Variants in ANGPT2 observed in about 807,000 individuals in gnomAD.
The protein encoded by ANGPT2 is angiopoietin-2.
ANGPT2 carries 28 observed loss-of-function variants against 62.9 expected under a neutral mutation model. That is an observed-to-expected ratio of 0.44 (90% CI 0.33 to 0.61). The LOEUF is 0.61. Among genes scored for constraint, ANGPT2 ranks in the 20% least tolerant of loss-of-function variants. ANGPT2 has a pLI of 0.03. For synonymous variants in ANGPT2, 284 were observed against 207.8 expected (o/e 1.37, Z -3.15); for missense variants, 727 against 594.9 (o/e 1.22, Z -2.31).
chr8:6,535,955 G>A (rs1820407711), intron 1 of ANGPT2, among the ~76,000 whole-genome samples: 1 of 152,066 alleles, frequency 6.6e-6, no homozygotes, highest in South Asian at 2.1e-4. Flanking sequence ...TACTGGGGAG[G>A]CTGAGGTGGG....
chr8:6,520,359 T>A (rs1034132383), intron 4 of ANGPT2, among the ~76,000 whole-genome samples: 4 of 152,154 alleles, frequency 2.6e-5, no homozygotes, highest in African/African-American at 9.7e-5. Flanking sequence ...ATGGAAGAAT[T>A]TAAAAAGAAT....
intron 1 of ANGPT2, among the ~76,000 whole-genome samples, chr8:6,560,768 T>C (rs1562715): frequency 0.16 from 24,100 of 152,234 alleles, 5,089 homozygotes; most frequent in African/African-American, 0.49. Flanking sequence ...TCTTTAAATG[T>C]TATCTCAAAG....
intron 1 of ANGPT2, among the ~76,000 whole-genome samples, chr8:6,544,592 G>T (rs1293393699): frequency 1.3e-5 from 2 of 152,144 alleles, no homozygotes; most frequent in African/African-American, 4.8e-5. Context: ...GTATTGGAGG[G>T]GGAGAGGGTT....
chr8:6,530,500 C>T (rs1230453204), intron 2 of ANGPT2, among the ~76,000 whole-genome samples: 1 of 108,932 alleles, frequency 9.2e-6, no homozygotes, highest in Non-Finnish European at 1.8e-5. Context: ...TGCAGTGAGA[C>T]TCTGTCTCAA....
Position 6,541,847 on chromosome 8 carries a change from T to G in ANGPT2, c.289-9360A>C, listed in dbSNP as rs114930623. Among the ~76,000 whole-genome samples the G allele has an allele frequency of 7.6e-3, 1,154 of 151,768 alleles. 21 individuals are homozygous for G. Among genetic ancestry groups the G allele is most frequent in the African/African-American group, 0.027 (1,098 of 41,356 alleles). On this transcript the variant is annotated intron_variant, in intron 1 of 8. Coordinates refer to ENST00000629816, the MANE Select transcript of ANGPT2 (RefSeq NM_001118887.2). Reference sequence around the variant, plus strand: ...GGCGAGACTCCATCTCTACAGAAAATTTTTTTAAAAATTAGCTGGACATGG... The same window carrying G: ...GGCGAGACTCCATCTCTACAGAAAAGTTTTTTAAAAATTAGCTGGACATGG...
At chr8:6,558,597 A>G (rs1029848870) in intron 1 of ANGPT2, among the ~76,000 whole-genome samples, 6 of 152,212 alleles carry the variant, frequency 3.9e-5, no homozygotes, top group Non-Finnish European at 8.8e-5. Flanking sequence ...AAAGAGCCAC[A>G]TTGATTAAAA....
chr8:6,549,102 G>A (rs1019785433), intron 1 of ANGPT2, among the ~76,000 whole-genome samples: 1 of 152,188 alleles, frequency 6.6e-6, no homozygotes, highest in Non-Finnish European at 1.5e-5. Context: ...AGTCAAAACA[G>A]CTTTCAGTCA....
At chr8:6,505,239 A>AATATATATATTCTTATGTATATATAGAAT (rs3990064) in intron 8 of ANGPT2, among the ~76,000 whole-genome samples, 4 of 60,884 alleles carry the variant, frequency 6.6e-5, no homozygotes, top group South Asian at 5.1e-4. Flanking sequence ...GTATATATAG[A>AATATATATATTCTTATGTATATATAGAAT]ATATATATTC....
At chr8:6,518,836 C>T (rs1435285881) in intron 5 of ANGPT2, among the ~76,000 whole-genome samples, 1 of 152,308 alleles carries the variant, frequency 6.6e-6, no homozygotes, top group East Asian at 1.9e-4. Context: ...CACTTCACCA[C>T]ACTGATTCTC....
chr8:6,526,745 T>C (rs1218167099), intron 3 of ANGPT2, among the ~76,000 whole-genome samples: 1 of 152,178 alleles, frequency 6.6e-6, no homozygotes, highest in Non-Finnish European at 1.5e-5. Context: ...TATATTGTTA[T>C]AGCCATGTTC....
chr8:6,550,478 G>T (rs1823442429), intron 1 of ANGPT2, among the ~76,000 whole-genome samples: 1 of 152,206 alleles, frequency 6.6e-6, no homozygotes, highest in African/African-American at 2.4e-5. Context: ...CTCCCCTCCG[G>T]GGTGAAGCGG....
At chr8:6,560,803 TAAGA>T (rs528122579) in intron 1 of ANGPT2, among the ~76,000 whole-genome samples, 34 of 152,362 alleles carry the variant, frequency 2.2e-4, no homozygotes, top group Non-Finnish European at 4.0e-4. Flanking sequence ...GTAGTTTACC[TAAGA>T]AAGAAATATG....
intron 3 of ANGPT2, among the ~76,000 whole-genome samples, chr8:6,524,946 C>G (rs1204843815): frequency 2.0e-5 from 3 of 152,216 alleles, no homozygotes; most frequent in African/African-American, 7.2e-5. Flanking sequence ...GTCACAAGGG[C>G]AGACACCCTG....
intron 7 of ANGPT2, among the ~76,000 whole-genome samples, chr8:6,510,401 C>T (rs1189755864): frequency 4.6e-5 from 7 of 152,176 alleles, no homozygotes; most frequent in Admixed American, 1.3e-4. Context: ...TGATGCCCTT[C>T]TTTGTAAAAC....
At chr8:6,521,107 T>A in intron 4 of ANGPT2, 71 bp downstream of exon 4, 1 of 1,251,790 alleles carries the variant, frequency 8.0e-7, no homozygotes, top group African/African-American at 1.5e-5. Flanking sequence ...AGGTGAGAAT[T>A]TTTTAGTCTT....
intron 3 of ANGPT2, among the ~76,000 whole-genome samples, chr8:6,525,136 C>A (rs1439814604): frequency 2.6e-5 from 4 of 152,206 alleles, no homozygotes; most frequent in Non-Finnish European, 5.9e-5. Context: ...CAATATTAAC[C>A]AGCCAAGGAA....
At chr8:6,551,251 T>C in intron 1 of ANGPT2, among the ~76,000 whole-genome samples, 1 of 152,116 alleles carries the variant, frequency 6.6e-6, no homozygotes, top group South Asian at 2.1e-4. Context: ...TTCTTTCTCA[T>C]GCAGAGACTG....
intron 1 of ANGPT2, among the ~76,000 whole-genome samples, chr8:6,547,099 A>T (rs2442594): frequency 0.99 from 151,096 of 151,984 alleles, 75,113 homozygotes; most frequent in Middle Eastern, 1. Context: ...AAGTGTAGAT[A>T]GGTGCCAGTT....
chr8:6,558,649 ATC>A (rs888412382), intron 1 of ANGPT2, among the ~76,000 whole-genome samples: 3 of 152,168 alleles, frequency 2.0e-5, no homozygotes, highest in African/African-American at 7.2e-5. Context: ...TATATGGATT[ATC>A]TAGTGTCTCA....
Sources: gnomAD v4.1 joint callset for allele counts (sites outside exome capture counted in the v4.1 genomes callset) on GRCh38, gnomAD v4.1.1 for gene constraint, MANE v1.5 for transcripts, NCBI Gene and HGNC (gene_info 2026-07-23, HGNC 2026-07-21) for gene names.